The following EXT2 variants were observed in gnomAD, a reference collection of about 807,000 sequenced individuals.
EXT2 encodes exostosin-2.
Under a neutral mutation model 81.6 loss-of-function variants are expected in EXT2, and 53 were observed. The ratio of observed to expected loss-of-function variants is 0.65; its 90% CI spans 0.52 to 0.82. The LOEUF is 0.82. Ranked by LOEUF, EXT2 falls within the 40% of genes least tolerant of loss-of-function variation. EXT2 has a pLI of 0.00. For missense variants in EXT2, 774 were observed against 910.2 expected (o/e 0.85, Z 1.93); for synonymous variants, 320 against 340.0 (o/e 0.94, Z 0.65).
chr11:44,119,157 T>TACAC (rs1565201239), intron 4 of EXT2, among the ~76,000 whole-genome samples: 2 of 39,624 alleles, frequency 5.0e-5, no homozygotes, highest in Non-Finnish European at 1.1e-4. Context: ...TATATATATA[T>TACAC]ATATATATAT....
rs1202678737 is a variant in EXT2, at chr11:44,251,216, GTTGCCAGT to G, written c.*6931_*6938del. On this transcript the variant is annotated 3_prime_UTR_variant, in exon 14 of 14. Coordinates refer to ENST00000533608, the MANE Select transcript of EXT2 (RefSeq NM_207122.2). ...TTTTCTCTTTTCATAGCACCTTCCAGTTGCCAGTTGTACCCTGGCCCTTCTTTGGAAGT... is the reference window on the plus strand; with the variant it reads ...TTTTCTCTTTTCATAGCACCTTCCAGTGTACCCTGGCCCTTCTTTGGAAGT... 2.0e-5 allele frequency among the ~76,000 whole-genome samples: 3 copies of G among 151,758 alleles called. No homozygotes were observed. Among genetic ancestry groups the G allele is most frequent in the Admixed American group, 6.6e-5 (1 of 15,256 alleles).
At chr11:44,206,991 T>A (rs763074205) in intron 10 of EXT2, 32 bp downstream of exon 10, 47 of 1,603,672 alleles carry the variant, frequency 2.9e-5, no homozygotes, top group Non-Finnish European at 3.8e-5. Context: ...TGTTTATATG[T>A]TTAATATTAC....
chr11:44,154,310 G>A (rs1408701073), intron 7 of EXT2, among the ~76,000 whole-genome samples: 2 of 151,952 alleles, frequency 1.3e-5, no homozygotes, highest in Admixed American at 1.3e-4. Flanking sequence ...CCCAGCCTCT[G>A]GTGATCATCA....
intron 8 of EXT2, among the ~76,000 whole-genome samples, chr11:44,195,425 T>C (rs1240107995): frequency 1.2e-5 from 1 of 86,476 alleles, no homozygotes; most frequent in African/African-American, 3.0e-5. Context: ...CGAGTGAAAC[T>C]CTGTCTCAAA....
chr11:44,219,409 G>C (rs921521001), intron 10 of EXT2, among the ~76,000 whole-genome samples: 3 of 152,036 alleles, frequency 2.0e-5, no homozygotes, highest in African/African-American at 7.2e-5. Context: ...AGCTACTCAG[G>C]AGGCTGAGTG....
At chr11:44,096,545 G>T (rs1219532291) in intron 1 of EXT2, among the ~76,000 whole-genome samples, 2 of 151,932 alleles carry the variant, frequency 1.3e-5, no homozygotes, top group East Asian at 3.9e-4. Flanking sequence ...GTTAGACTGC[G>T]GACTAGATTG....
Position 44,170,966 on chromosome 11 carries a change from A to G in EXT2, c.1174-645A>G, listed in dbSNP as rs549699935. ...TTGCATAAAAGTTCTCGAAGAACAG[A>G]AAAAGAGAGAATGGTTTCCACCTCA... On this transcript the variant is annotated intron_variant, in intron 7 of 13. Coordinates refer to ENST00000533608, the MANE Select transcript of EXT2 (RefSeq NM_207122.2). Among the ~76,000 whole-genome samples, 7 of 152,338 alleles carry G rather than the reference A, an allele frequency of 4.6e-5. 1 individual carries two copies. The highest frequency in any genetic ancestry group is 1.7e-4 in the African/African-American group (7 of 41,580).
chr11:44,109,365 C>T (rs1185762514), intron 3 of EXT2, 82 bp downstream of exon 3: 2 of 1,177,698 alleles, frequency 1.7e-6, no homozygotes, highest in African/African-American at 1.5e-5. Context: ...AAATCTACCA[C>T]ATACTTTGTA....
chr11:44,096,123 C>T (rs1271686248), intron 1 of EXT2: 5 of 872,612 alleles, frequency 5.7e-6, no homozygotes, highest in Admixed American at 2.0e-5. Flanking sequence ...ACCTGTTCTC[C>T]TAGCCAACCT....
At chr11:44,235,587 T>C (rs567279860) in intron 12 of EXT2, among the ~76,000 whole-genome samples, 1 of 152,308 alleles carries the variant, frequency 6.6e-6, no homozygotes, top group Admixed American at 6.5e-5. Flanking sequence ...TTTTTAGCTG[T>C]GGCTGCTTAC....
rs368444550 is a variant in EXT2 at position 44,234,239 on chromosome 11, T to A, written c.1931T>A (p.Ile644Asn). The A allele has an allele frequency of 6.2e-7, 1 of 1,613,990 alleles. No homozygotes were observed. Among genetic ancestry groups the A allele is most frequent in the Non-Finnish European group, 8.5e-7 (1 of 1,179,936 alleles). Residue 644 changes from isoleucine to asparagine, a missense_variant, in exon 12 of 14, where the codon ATC becomes AAC. Around this residue, in one of 2 missense-constraint regions of EXT2, gnomAD observed 148 missense variants for 239.7 expected, o/e 0.62. Transcript: ENST00000533608. ...LVANVTGKAV[I>N]KVTPRKKFKC... Reference sequence around the variant, plus strand: ...GCCAACGTCACGGGAAAAGCAGTTATCAAGGTAGGAGGCTCTGCCACTCAC... The same window carrying A: ...GCCAACGTCACGGGAAAAGCAGTTAACAAGGTAGGAGGCTCTGCCACTCAC...
At chr11:44,191,188 C>G (rs1171940122) in intron 8 of EXT2, among the ~76,000 whole-genome samples, 1 of 152,188 alleles carries the variant, frequency 6.6e-6, no homozygotes, top group African/African-American at 2.4e-5. Context: ...TACTTTTATG[C>G]AATTGCAATT....
chr11:44,242,836 C>T (rs769996796), intron 13 of EXT2, among the ~76,000 whole-genome samples: 4 of 152,124 alleles, frequency 2.6e-5, no homozygotes, highest in Non-Finnish European at 5.9e-5. Context: ...TGCTTTGGCT[C>T]TAGCTTTTTC....
At chr11:44,224,517 A>T (rs1480666778) in intron 10 of EXT2, among the ~76,000 whole-genome samples, 1 of 152,298 alleles carries the variant, frequency 6.6e-6, no homozygotes, top group Admixed American at 6.5e-5. Flanking sequence ...AATAGATGAG[A>T]TATAAATAAA....
chr11:44,104,415 TA>T (rs528423257), intron 1 of EXT2, among the ~76,000 whole-genome samples: 332 of 152,292 alleles, frequency 2.2e-3, no homozygotes, highest in African/African-American at 7.5e-3. Flanking sequence ...AATTTTAGTT[TA>T]AAAAAAGTTT....
intron 9 of EXT2, among the ~76,000 whole-genome samples, chr11:44,206,226 TTGAC>T (rs1955581115): frequency 6.6e-6 from 1 of 152,196 alleles, no homozygotes; most frequent in Admixed American, 6.5e-5. Flanking sequence ...CAAAAGCTGT[TTGAC>T]TGCATGATGG....
chr11:44,130,171 G>C (rs766323255), intron 7 of EXT2, 33 bp downstream of exon 7: 2 of 1,561,164 alleles, frequency 1.3e-6, no homozygotes, highest in African/African-American at 1.4e-5. Flanking sequence ...GGTGACATGG[G>C]TGGTACCGAA....
chr11:44,177,051 G>GT, intron 8 of EXT2, among the ~76,000 whole-genome samples: 1 of 152,002 alleles, frequency 6.6e-6, no homozygotes, highest in Non-Finnish European at 1.5e-5. Context: ...CATTATCCAC[G>GT]TTGCACCACA....
chr11:44,107,016 G>A (rs1954065084), intron 1 of EXT2, among the ~76,000 whole-genome samples: 1 of 152,158 alleles, frequency 6.6e-6, no homozygotes, highest in African/African-American at 2.4e-5. Flanking sequence ...TAAAATAACT[G>A]TCTTTTGCTA....
Sources: allele counts gnomAD v4.1 joint callset (sites outside exome capture counted in the v4.1 genomes callset), GRCh38; gene constraint gnomAD v4.1.1; regional missense constraint gnomAD v4.1.1; transcripts MANE v1.5; gene names NCBI Gene and HGNC (gene_info 2026-07-23, HGNC 2026-07-21).